Variants in VPS52 observed in about 807,000 individuals in gnomAD.
VPS52 encodes the protein vacuolar protein sorting-associated protein 52 homolog.
A neutral mutation model predicts 98.7 loss-of-function variants in VPS52; 56 were observed. The ratio of observed to expected loss-of-function variants is 0.57; its 90% CI spans 0.46 to 0.71. The LOEUF is 0.71. Ranked by LOEUF, VPS52 falls within the 30% of genes least tolerant of loss-of-function variation. The probability of loss-of-function intolerance (pLI) is 0.00; values close to 1 mark genes in which losing one functional copy is unlikely to be tolerated. For missense variants in VPS52, 742 were observed against 925.9 expected (o/e 0.80, Z 2.58); for synonymous variants, 348 against 346.4 (o/e 1.00, Z -0.05).
At chr6:33,251,070 G>A (rs1184866564) in intron 19 of VPS52, 83 bp from the exon 20 acceptor site, 10 of 1,587,602 alleles carry the variant, frequency 6.3e-6, no homozygotes, top group African/African-American at 5.4e-5. Flanking sequence ...GCGGCCAGGC[G>A]CAGTGGCTCA....
intron 17 of VPS52, among the ~76,000 whole-genome samples, chr6:33,252,899 G>A (rs1463763339): frequency 6.6e-6 from 1 of 151,792 alleles, no homozygotes; most frequent in Non-Finnish European, 1.5e-5. Flanking sequence ...GCTTCCTGAT[G>A]GAAATACATA....
chr6:33,265,675 C>T (rs1332997778), intron 12 of VPS52, among the ~76,000 whole-genome samples: 1 of 150,748 alleles, frequency 6.6e-6, no homozygotes, highest in Admixed American at 6.6e-5. Context: ...CCTGGCCACA[C>T]CAGGATCTAT....
intron 1 of VPS52, chr6:33,271,165 T>G: frequency 1.8e-6 from 1 of 543,244 alleles, no homozygotes; most frequent in Non-Finnish European, 3.3e-6. Flanking sequence ...CTTACACATA[T>G]TCATCTAATC....
chr6:33,265,221 C>T (rs999187950), intron 12 of VPS52, among the ~76,000 whole-genome samples: 8 of 152,076 alleles, frequency 5.3e-5, no homozygotes, highest in African/African-American at 1.7e-4. Flanking sequence ...GAATTATAGG[C>T]GCCTGCCACC....
intron 4 of VPS52, 40 bp from the exon 5 acceptor site, chr6:33,269,597 G>C: frequency 1.9e-6 from 3 of 1,594,638 alleles, no homozygotes; most frequent in Non-Finnish European, 2.6e-6. Context: ...GGTGAAGATG[G>C]GAGATCCTCA....
rs967364709 is a variant in VPS52, at chr6:33,250,908, G to A, written c.2105C>T (p.Ala702Val). 3 of 1,612,974 alleles carry A rather than the reference G, an allele frequency of 1.9e-6. No homozygotes were observed. Among genetic ancestry groups the A allele is most frequent in the Admixed American group, 1.7e-5 (1 of 60,006 alleles). Reference protein sequence around the residue: ...LSQPQLRALPARAELINIHHL... With the variant: ...LSQPQLRALPVRAELINIHHL... ...GTGAATGTTGATGAGCTCAGCCCGG[G>A]CAGGGAGGGCTCGGAGCTGCGGCTG... The change falls in exon 20 of 20, where the codon GCC becomes GTC. Residue 702 changes from alanine to valine, a missense_variant. This residue lies in a region of VPS52 where 590 missense variants were observed against 793.3 expected (regional missense o/e 0.74). Transcript: ENST00000445902.
intron 18 of VPS52, 37 bp from the exon 19 acceptor site, chr6:33,251,673 G>A (rs746691833): frequency 2.6e-6 from 4 of 1,547,924 alleles, no homozygotes; most frequent in South Asian, 1.1e-5. Flanking sequence ...AGAGGGATCT[G>A]GCTGATCTTC....
intron 14 of VPS52, 61 bp downstream of exon 14, chr6:33,264,313 C>T (rs1194726680): frequency 6.3e-7 from 1 of 1,598,034 alleles, no homozygotes; most frequent in Non-Finnish European, 8.5e-7. Flanking sequence ...TGGCCAACCC[C>T]CACAATGATG....
chr6:33,267,770 G>A lies in VPS52; in HGVS notation c.934-31C>T, dbSNP rs1221298808. ...GAAAGAGAAAAGAGAACTGATAACC[G>A]TCTCTTCCCACAACACAATAAAATA... On this transcript the variant is annotated intron_variant, in intron 9 of 19. Coordinates refer to ENST00000445902, the MANE Select transcript of VPS52 (RefSeq NM_022553.6). The surrounding 1 kb of genome is among the most constrained non-coding windows in gnomAD (Gnocchi z 4.2). The A allele has an allele frequency of 1.1e-5, 17 of 1,612,748 alleles. No homozygotes were observed. The East Asian group carries it at 2.7e-4, about 25-fold the overall frequency.
chr6:33,252,679 G>C (rs1762436897), intron 17 of VPS52, among the ~76,000 whole-genome samples: 2 of 150,696 alleles, frequency 1.3e-5, no homozygotes, highest in Admixed American at 1.3e-4. Context: ...AATTTTTTTA[G>C]ATATGAAAAG....
At chr6:33,253,002 CCAGA>C (rs1762486389) in intron 17 of VPS52, among the ~76,000 whole-genome samples, 1 of 151,908 alleles carries the variant, frequency 6.6e-6, no homozygotes, top group African/African-American at 2.4e-5. Flanking sequence ...GAGAAATACA[CCAGA>C]CAGAGGAAGT....
intron 17 of VPS52, among the ~76,000 whole-genome samples, chr6:33,262,152 T>C (rs1763711950): frequency 6.8e-6 from 1 of 147,306 alleles, no homozygotes; most frequent in Non-Finnish European, 1.5e-5. Flanking sequence ...AACCAGAATA[T>C]ATAAGGGGCT....
At chr6:33,263,307 T>C (rs1425641355) in intron 17 of VPS52, among the ~76,000 whole-genome samples, 177 bp downstream of exon 17, 1 of 113,520 alleles carries the variant, frequency 8.8e-6, no homozygotes, top group Non-Finnish European at 1.9e-5. Flanking sequence ...TAAAATAAAA[T>C]AGACCAATAA....
intron 19 of VPS52, among the ~76,000 whole-genome samples, chr6:33,251,310 C>A (rs200829073): frequency 1.3e-5 from 2 of 151,708 alleles, no homozygotes; most frequent in East Asian, 3.9e-4. Flanking sequence ...CCACTGCACT[C>A]CAGCCTGGAC....
intron 17 of VPS52, among the ~76,000 whole-genome samples, chr6:33,261,349 C>T (rs1018492543): frequency 3.3e-5 from 5 of 151,498 alleles, no homozygotes; most frequent in Non-Finnish European, 7.4e-5. Context: ...CATCAGTAAT[C>T]CCAACTATTC....
chr6:33,269,663 G>A (rs941215241), intron 4 of VPS52, 81 bp downstream of exon 4: 1 of 1,566,984 alleles, frequency 6.4e-7, no homozygotes, highest in Non-Finnish European at 8.7e-7. Context: ...CAGAGATGTT[G>A]ACCCCAGCTG....
In VPS52 at chr6:33,250,909, C is replaced by A. The variant is rs1186718796; in HGVS notation, c.2104G>T (p.Ala702Ser). ...TGAATGTTGATGAGCTCAGCCCGGG[C>A]AGGGAGGGCTCGGAGCTGCGGCTGG... ...LSQPQLRALP[A>S]RAELINIHHL... The change falls in exon 20 of 20, where the codon GCC becomes TCC. Residue 702 changes from alanine to serine, a missense_variant. Ala to Ser is a moderately conservative substitution (Grantham distance 99). Coordinates refer to ENST00000445902, the MANE Select transcript of VPS52 (RefSeq NM_022553.6). 1 of 1,613,008 alleles carries A rather than the reference C, an allele frequency of 6.2e-7. No homozygotes were observed. The highest frequency in any genetic ancestry group is 8.5e-7 in the Non-Finnish European group (1 of 1,180,024).
Position 33,250,730 on chromosome 6 carries a change from C to T in VPS52, c.*111G>A. On this transcript the variant is annotated 3_prime_UTR_variant, in exon 20 of 20. Coordinates refer to ENST00000445902, the MANE Select transcript of VPS52 (RefSeq NM_022553.6). Reference sequence around the variant, plus strand: ...AAGGCAGGTAAGCCATGTCAAGGGCCTGGGAAGCAAGGGGAAAACTGGAAG... The same window carrying T: ...AAGGCAGGTAAGCCATGTCAAGGGCTTGGGAAGCAAGGGGAAAACTGGAAG... 6.9e-7 allele frequency: 1 copy of T among 1,454,664 alleles called. No homozygotes were observed. 90.1% of individuals were successfully genotyped at this position (1,454,664 alleles called of 1,614,324 possible).
In VPS52 at chr6:33,267,755, A is replaced by T; in HGVS notation, c.934-16T>A. On this transcript the variant is annotated splice_polypyrimidine_tract_variant and intron_variant, in intron 9 of 19. Coordinates refer to ENST00000445902, the MANE Select transcript of VPS52 (RefSeq NM_022553.6). The surrounding 1 kb of genome is among the most constrained non-coding windows in gnomAD (Gnocchi z 4.2). ...CTTCCTCATACTAAGGAAAGAGAAAAGAGAACTGATAACCGTCTCTTCCCA... is the reference window on the plus strand; with the variant it reads ...CTTCCTCATACTAAGGAAAGAGAAATGAGAACTGATAACCGTCTCTTCCCA... The T allele has an allele frequency of 1.2e-6, 2 of 1,613,056 alleles. No homozygotes were observed. The highest frequency in any genetic ancestry group is 2.2e-5 in the South Asian group (2 of 91,084).
Sources: gnomAD v4.1 joint callset for allele counts (sites outside exome capture counted in the v4.1 genomes callset) on GRCh38, gnomAD v4.1.1 for gene constraint, gnomAD v4.1.1 regional missense constraint, Gnocchi (gnomAD v3.1) non-coding constraint, MANE v1.5 for transcripts, NCBI Gene and HGNC (gene_info 2026-07-23, HGNC 2026-07-21) for gene names.